FBXL7: variants seen among roughly 807,000 people sequenced by gnomAD.
FBXL7 encodes F-box and leucine rich repeat protein 7, also known as F-box/LRR-repeat protein 7.
FBXL7 carries 12 observed loss-of-function variants against 38.3 expected under a neutral mutation model. That is an observed-to-expected ratio of 0.31 (90% CI 0.20 to 0.51). The LOEUF is 0.51. Ranked by LOEUF, FBXL7 falls within the 20% of genes least tolerant of loss-of-function variation. FBXL7 has a pLI of 0.98. For synonymous variants in FBXL7, 297 were observed against 300.9 expected (o/e 0.99, Z 0.13); for missense variants, 567 against 676.4 (o/e 0.84, Z 1.79).
chr5:15,707,006 G>C (rs1743699105), intron 2 of FBXL7, among the ~76,000 whole-genome samples: 1 of 152,054 alleles, frequency 6.6e-6, no homozygotes, highest in Non-Finnish European at 1.5e-5. Flanking sequence ...TGGAGAGTCA[G>C]CTGGGCATAT....
chr5:15,595,339 T>C (rs902974700), intron 1 of FBXL7, among the ~76,000 whole-genome samples: 2 of 151,990 alleles, frequency 1.3e-5, no homozygotes, highest in African/African-American at 4.8e-5. Flanking sequence ...AATTCGAAGC[T>C]TGGAAGAGTT....
intron 2 of FBXL7, among the ~76,000 whole-genome samples, chr5:15,755,469 A>AC (rs1736273104): frequency 6.6e-6 from 1 of 152,182 alleles, no homozygotes; most frequent in Non-Finnish European, 1.5e-5. Context: ...ATATACAGAT[A>AC]TAAATTGTGT....
chr5:15,779,345 G>A (rs1359398571), intron 2 of FBXL7, among the ~76,000 whole-genome samples: 2 of 152,036 alleles, frequency 1.3e-5, no homozygotes, highest in Non-Finnish European at 2.9e-5. Flanking sequence ...AATAAGAATT[G>A]TAATGTTCCA....
chr5:15,814,807 T>C (rs1302091920), intron 2 of FBXL7, among the ~76,000 whole-genome samples: 1 of 152,092 alleles, frequency 6.6e-6, no homozygotes, highest in East Asian at 1.9e-4. Context: ...CTGAAAAACT[T>C]CTTACCCACC....
chr5:15,747,757 T>C (rs924455), intron 2 of FBXL7, among the ~76,000 whole-genome samples: 79,756 of 151,840 alleles, frequency 0.53, 21,224 homozygotes, highest in East Asian at 0.67. Context: ...GGATCCAGGT[T>C]TTCCATCTGT....
intron 1 of FBXL7, among the ~76,000 whole-genome samples, chr5:15,543,125 G>C (rs999390260): frequency 6.6e-6 from 1 of 152,166 alleles, no homozygotes; most frequent in African/African-American, 2.4e-5. Flanking sequence ...GTATTAGTCT[G>C]TTCTCATGCT....
At chr5:15,538,169 C>T (rs575040379) in intron 1 of FBXL7, among the ~76,000 whole-genome samples, 8 of 152,210 alleles carry the variant, frequency 5.3e-5, no homozygotes, top group Non-Finnish European at 8.8e-5. Context: ...TAGTGGAGGA[C>T]CAAAATAAAT....
intron 1 of FBXL7, 90 bp downstream of exon 1, chr5:15,500,803 G>C (rs575806248): frequency 6.6e-7 from 1 of 1,514,200 alleles, no homozygotes; most frequent in Non-Finnish European, 9.0e-7. Context: ...GTTCTCGCCC[G>C]CGGCCGTGAC....
intron 2 of FBXL7, among the ~76,000 whole-genome samples, chr5:15,676,632 C>T (rs1336873004): frequency 6.6e-6 from 1 of 152,172 alleles, no homozygotes; most frequent in Non-Finnish European, 1.5e-5. Flanking sequence ...CTGTGATTTG[C>T]CCTGCAAGGA....
chr5:15,614,827 T>A (rs996932541), intron 1 of FBXL7, among the ~76,000 whole-genome samples: 3 of 152,198 alleles, frequency 2.0e-5, no homozygotes, highest in East Asian at 1.9e-4. Context: ...GATGGAGGCT[T>A]GCTGCTTCAA....
chr5:15,693,577 C>G (rs553125867), intron 2 of FBXL7, among the ~76,000 whole-genome samples: 1 of 152,238 alleles, frequency 6.6e-6, no homozygotes, highest in East Asian at 1.9e-4. Context: ...GTTTTCATGC[C>G]CAAATGTTGC....
At chr5:15,741,870 T>C (rs1004942119) in intron 2 of FBXL7, among the ~76,000 whole-genome samples, 1 of 151,986 alleles carries the variant, frequency 6.6e-6, no homozygotes, top group Non-Finnish European at 1.5e-5. Context: ...TCAGATCACA[T>C]GAATGCACAG....
chr5:15,535,511 A>G (rs1217149299), intron 1 of FBXL7, among the ~76,000 whole-genome samples: 9 of 152,232 alleles, frequency 5.9e-5, no homozygotes, highest in Non-Finnish European at 1.3e-4. Context: ...CATTCTTGCA[A>G]TGCTTTAGCA....
At chr5:15,823,933 C>T (rs1297052629) in intron 2 of FBXL7, among the ~76,000 whole-genome samples, 1 of 152,114 alleles carries the variant, frequency 6.6e-6, no homozygotes, top group Non-Finnish European at 1.5e-5. Context: ...AGAAAATATT[C>T]AAGAACGAGA....
At chr5:15,620,937 C>G (rs1174308087) in intron 2 of FBXL7, among the ~76,000 whole-genome samples, 3 of 152,306 alleles carry the variant, frequency 2.0e-5, no homozygotes, top group African/African-American at 7.2e-5. Flanking sequence ...GTAAAGACAT[C>G]GAATTTATCC....
At chr5:15,771,195 T>C (rs1579449118) in intron 2 of FBXL7, among the ~76,000 whole-genome samples, 1 of 152,320 alleles carries the variant, frequency 6.6e-6, no homozygotes, top group Admixed American at 6.5e-5. Context: ...TCCCTTCTAA[T>C]GCACAGCATT....
intron 1 of FBXL7, among the ~76,000 whole-genome samples, chr5:15,568,447 T>C (rs949829259): frequency 6.6e-6 from 1 of 152,178 alleles, no homozygotes; most frequent in Non-Finnish European, 1.5e-5. Flanking sequence ...GGTTTTTTTT[T>C]CTTGTAAATT....
intron 1 of FBXL7, among the ~76,000 whole-genome samples, chr5:15,546,602 G>T (rs921644604): frequency 6.6e-6 from 1 of 151,450 alleles, no homozygotes; most frequent in Non-Finnish European, 1.5e-5. Flanking sequence ...GTGGTGGCAG[G>T]CACCTGTAAT....
intron 2 of FBXL7, among the ~76,000 whole-genome samples, chr5:15,878,658 C>T (rs1205371697): frequency 6.6e-6 from 1 of 152,174 alleles, no homozygotes; most frequent in Non-Finnish European, 1.5e-5. Context: ...TTAAACCACA[C>T]TGCCTTTCAT....
Sources: allele counts gnomAD v4.1 joint callset (sites outside exome capture counted in the v4.1 genomes callset), GRCh38; gene constraint gnomAD v4.1.1; transcripts MANE v1.5; gene names NCBI Gene and HGNC (gene_info 2026-07-23, HGNC 2026-07-21).